CNPY4: variants seen among roughly 807,000 people sequenced by gnomAD.
CNPY4 encodes protein canopy homolog 4.
A neutral mutation model predicts 30.1 loss-of-function variants in CNPY4; 33 were observed. The observed-to-expected ratio is 1.10, with a 90% CI of 0.83 to 1.46. The LOEUF is 1.46. Ranked by LOEUF, CNPY4 falls within the 40% of genes most tolerant of loss-of-function variation. The probability of loss-of-function intolerance (pLI) is 0.00; values close to 1 mark genes in which losing one functional copy is unlikely to be tolerated. For missense variants in CNPY4, 324 were observed against 302.6 expected (o/e 1.07, Z -0.52); for synonymous variants, 109 against 110.1 (o/e 0.99, Z 0.06).
At chr7:100,122,931 A>AG (rs1798113303) in intron 4 of CNPY4, 25 bp downstream of exon 4, 1 of 1,593,508 alleles carries the variant, frequency 6.3e-7, no homozygotes, top group Non-Finnish European at 8.6e-7. Context: ...TGCACCATCC[A>AG]GGGAGGTGAG....
At chr7:100,122,166 A>C in intron 1 of CNPY4, 93 bp from the exon 2 acceptor site, 1 of 1,516,412 alleles carries the variant, frequency 6.6e-7, no homozygotes, top group Non-Finnish European at 9.0e-7. Flanking sequence ...CATAGTCTGC[A>C]CTTGTATGCT....
In CNPY4 at chr7:100,122,841, G is replaced by C; in HGVS notation, c.400G>C (p.Asp134His). The C allele has an allele frequency of 1.2e-6, 2 of 1,613,952 alleles. No homozygotes were observed. The highest frequency in any genetic ancestry group is 1.7e-6 in the Non-Finnish European group (2 of 1,179,960). The change falls in exon 4 of 6, where the codon GAT (aspartate) becomes CAT (histidine). Residue 134 changes from aspartate (D) to histidine (H), a missense_variant. Asp to His is a moderately conservative substitution (Grantham distance 81). Transcript: ENST00000262932. ...KGLVQKGVKV[D>H]LGIPLELWDE... ...CCTAGTGCAGAAGGGGGTGAAGGTG[G>C]ATCTGGGGATCCCTCTGGAGCTTTG...
chr7:100,124,805 G>T lies in CNPY4; in HGVS notation c.664G>T (p.Glu222Ter), dbSNP rs1477095982. 1 of 1,613,100 alleles carries T rather than the reference G, an allele frequency of 6.2e-7. No individual in the cohort carries two copies. The part of the protein sequence containing the change: ...KTEGEEEQEE[E>*]EEEEEEEGGD... Reference sequence around the variant, plus strand: ...AGAAGGGGAGGAAGAGCAGGAGGAGGAGGAGGAAGAGGAGGAAGAGGAAGG... The same window carrying T: ...AGAAGGGGAGGAAGAGCAGGAGGAGTAGGAGGAAGAGGAGGAAGAGGAAGG... Residue 222 changes from glutamate to a stop codon, truncating the protein, a stop_gained, in exon 6 of 6, where the codon GAG (glutamate) becomes TAG (stop). Coordinates refer to ENST00000262932, the MANE Select transcript of CNPY4 (RefSeq NM_152755.2). LOFTEE classifies it low-confidence loss of function (END_TRUNC).
intron 4 of CNPY4, among the ~76,000 whole-genome samples, chr7:100,124,090 T>G (rs905148285): frequency 1.7e-4 from 26 of 149,482 alleles, no homozygotes; most frequent in African/African-American, 6.2e-4. Context: ...TGAGCTGAGA[T>G]CCCACCACTG....
At chr7:100,124,453 G>C in intron 4 of CNPY4, 61 bp from the exon 5 acceptor site, 1 of 1,337,864 alleles carries the variant, frequency 7.5e-7, no homozygotes, top group South Asian at 1.2e-5. Flanking sequence ...AGGGAGAGAA[G>C]ACAGGCGGGA....
intron 4 of CNPY4, among the ~76,000 whole-genome samples, chr7:100,123,283 C>A (rs939053244): frequency 1.3e-5 from 2 of 151,344 alleles, no homozygotes; most frequent in African/African-American, 4.9e-5. Flanking sequence ...TGGAGGTTGC[C>A]ATGAGCCAAG....
chr7:100,124,902 G>C lies in CNPY4; in HGVS notation c.*14G>C, dbSNP rs773529618. On this transcript the variant is annotated 3_prime_UTR_variant, in exon 6 of 6. Transcript: ENST00000262932. ...GAAGATCTTTGACCCTTGCCTTTGA[G>C]CCCCCAGGAGGGGAAGGGATCATGG... is the stretch of plus-strand genomic sequence containing the variant. The C allele has an allele frequency of 1.2e-5, 19 of 1,570,908 alleles. No individual in the cohort carries two copies. Among genetic ancestry groups the C allele is most frequent in the Middle Eastern group, 1.7e-4 (1 of 5,864 alleles).
chr7:100,123,646 G>C lies in CNPY4; in HGVS notation c.465+740G>C, dbSNP rs768589690. On this transcript the variant is annotated intron_variant, in intron 4 of 5. Coordinates refer to ENST00000262932, the MANE Select transcript of CNPY4 (RefSeq NM_152755.2). The stretch of plus-strand genomic sequence containing the variant: ...AGCCATTCTCCTGCTTCAGCCTCCC[G>C]AGTAGCTGGGATTACAGGCCCCTGC... Among the ~76,000 whole-genome samples, 145 of 152,010 alleles carry C rather than the reference G, an allele frequency of 9.5e-4. 1 individual carries two copies. Among genetic ancestry groups the C allele is most frequent in the Non-Finnish European group, 2.4e-4 (16 of 67,970 alleles).
rs1440108383 is a variant in CNPY4, at chr7:100,122,771, C to T, written c.343-13C>T. ...TGGTGAGCTGGGCTGATGCCAAATT[C>T]TTAATCTCTCAGGGTCAGAGTCAGA... On this transcript the variant is annotated splice_polypyrimidine_tract_variant and intron_variant, in intron 3 of 5. Transcript: ENST00000262932. 1 of 1,608,330 alleles carries T rather than the reference C, an allele frequency of 6.2e-7. No individual in the cohort carries two copies.
rs767100028 is a variant in CNPY4 at position 100,122,880 on chromosome 7, G to A, written c.439G>A (p.Val147Met). The part of the protein sequence containing the change: ...IPLELWDEPS[V>M]EVTYLKKQCE... ...TCTGGAGCTTTGGGATGAGCCCAGC[G>A]TGGAGGTCACATACCTCAAGAAGCA... The change falls in exon 4 of 6, where the codon GTG becomes ATG. Residue 147 changes from valine (V) to methionine (M), a missense_variant. Val to Met is a conservative substitution (Grantham distance 21). Transcript: ENST00000262932. The A allele has an allele frequency of 7.0e-5, 113 of 1,613,564 alleles. No homozygotes were observed. The highest frequency in any genetic ancestry group is 8.9e-5 in the Non-Finnish European group (105 of 1,179,890).
At chr7:100,121,116 A>ATTT (rs1163501525) in intron 1 of CNPY4, 20 of 52,778 alleles carry the variant, frequency 3.8e-4, no homozygotes, top group African/African-American at 1.3e-3. Flanking sequence ...ATATATATAT[A>ATTT]TTTTTTTTTT....
chr7:100,121,116 ATTTTTTTTTTTTTTTTTTT>A (rs1163501525), intron 1 of CNPY4: 4 of 52,772 alleles, frequency 7.6e-5, no homozygotes, highest in African/African-American at 9.7e-5. Flanking sequence ...ATATATATAT[ATTTTTTTTTTTTTTTTTTT>A]TTTTTTTTTT....
At chr7:100,120,613 ATC>A (rs1798007874) in intron 1 of CNPY4, among the ~76,000 whole-genome samples, 3 of 152,106 alleles carry the variant, frequency 2.0e-5, no homozygotes, top group Non-Finnish European at 2.9e-5. Context: ...CTTGGTCCTC[ATC>A]TCTGTCTCCT....
At chr7:100,122,655 C>G (rs1798107892) in intron 3 of CNPY4, 78 bp downstream of exon 3, 2 of 1,507,926 alleles carry the variant, frequency 1.3e-6, no homozygotes, top group Non-Finnish European at 1.8e-6. Flanking sequence ...CAGAGGTTAT[C>G]TGCCCATCAT....
intron 4 of CNPY4, among the ~76,000 whole-genome samples, chr7:100,123,643 C>G (rs969843165): frequency 2.6e-5 from 4 of 152,206 alleles, no homozygotes; most frequent in Non-Finnish European, 4.4e-5. Flanking sequence ...GCTTCAGCCT[C>G]CCGAGTAGCT....
At chr7:100,121,151 C>CTTT (rs1798054032) in intron 1 of CNPY4, 1 of 90,740 alleles carries the variant, frequency 1.1e-5, no homozygotes, top group African/African-American at 4.5e-5. Flanking sequence ...TTTTTTTTTT[C>CTTT]TCTTTTCAGA....
Position 100,122,269 on chromosome 7 carries a change from G to A in CNPY4, c.129G>A (p.Leu43=). 1 of 1,613,642 alleles carries A rather than the reference G, an allele frequency of 6.2e-7. No individual in the cohort carries two copies. The highest frequency in any genetic ancestry group is 1.1e-5 in the South Asian group (1 of 91,080). Residue 43 remains leucine, a synonymous_variant, in exon 2 of 6, where the codon CTG becomes CTA. Coordinates refer to ENST00000262932, the MANE Select transcript of CNPY4 (RefSeq NM_152755.2). ...TCTCCTCCCCACCAGTGTGTAAGCTGCTGAGCACAGAGCTACAGGCGGAAC... is the reference window on the plus strand; with the variant it reads ...TCTCCTCCCCACCAGTGTGTAAGCTACTGAGCACAGAGCTACAGGCGGAAC... ...RLPSKCEVCK[L]LSTELQAELS... is the part of the protein sequence containing the mutation.
Position 100,124,558 on chromosome 7 carries a change from G to C in CNPY4, c.510G>C (p.Trp170Cys). 6.2e-7 allele frequency: 1 copy of C among 1,612,836 alleles called. No homozygotes were observed. Among genetic ancestry groups the C allele is most frequent in the Non-Finnish European group, 8.5e-7 (1 of 1,179,772 alleles). The change falls in exon 5 of 6, where the codon TGG becomes TGC. Residue 170 changes from tryptophan (W) to cysteine (C), a missense_variant. Trp to Cys is a radical substitution (Grantham distance 215, BLOSUM62 -2). Coordinates refer to ENST00000262932, the MANE Select transcript of CNPY4 (RefSeq NM_152755.2). ...LEEFEDIVGD[W>C]YFHHQEQPLQ... ...AGTTTGAAGACATTGTGGGAGACTG[G>C]TACTTCCACCATCAGGAGCAGCCCC...
chr7:100,121,110 A>ATTTTTTTTTT (rs1798036782), intron 1 of CNPY4: 14 of 28,396 alleles, frequency 4.9e-4, no homozygotes, highest in Admixed American at 7.8e-4. Flanking sequence ...ATATATATAT[A>ATTTTTTTTTT]TATATATTTT....
Sources: allele counts gnomAD v4.1 joint callset (sites outside exome capture counted in the v4.1 genomes callset), GRCh38; gene constraint gnomAD v4.1.1; transcripts MANE v1.5; gene names NCBI Gene and HGNC (gene_info 2026-07-23, HGNC 2026-07-21).